DIS3L2: variants seen among roughly 807,000 people sequenced by gnomAD.
DIS3L2 encodes the protein DIS3 like 3'-5' exoribonuclease 2, also known as DIS3-like exonuclease 2.
Under a neutral mutation model 97.5 loss-of-function variants are expected in DIS3L2, and 34 were observed. The ratio of observed to expected loss-of-function variants is 0.35; its 90% confidence interval spans 0.27 to 0.46. DIS3L2 has a LOEUF of 0.46. Among genes scored for constraint, DIS3L2 ranks in the 20% least tolerant of loss-of-function variants. The pLI, the probability that DIS3L2 is intolerant of heterozygous loss-of-function variation, is 1.00. For missense variants in DIS3L2, 1,038 were observed against 1,146.0 expected, an observed-to-expected ratio of 0.91 and a Z score of 1.36; for synonymous variants, 435 against 445.2, an observed-to-expected ratio of 0.98 and a Z score of 0.29.
chr2:232,110,833 C>T (rs1697505553), intron 6 of DIS3L2, among the ~76,000 whole-genome samples: 1 of 151,912 alleles, frequency 6.6e-6, no homozygotes, highest in Non-Finnish European at 1.5e-5. Context: ...ACATGTTTAC[C>T]TGTGTAATGA....
chr2:232,171,437 C>T (rs940961435), intron 9 of DIS3L2, among the ~76,000 whole-genome samples: 4 of 152,156 alleles, frequency 2.6e-5, no homozygotes, highest in African/African-American at 9.7e-5. Flanking sequence ...AGAGCTGTCT[C>T]ATTCTTGGAT....
chr2:231,995,509 A>G (rs985034011), intron 1 of DIS3L2, among the ~76,000 whole-genome samples: 1 of 152,044 alleles, frequency 6.6e-6, no homozygotes, highest in African/African-American at 2.4e-5. Context: ...TTCCCCTTCA[A>G]GGGTCTGAGT....
intron 1 of DIS3L2, among the ~76,000 whole-genome samples, chr2:231,970,704 G>A (rs1402942648): frequency 2.6e-5 from 4 of 152,142 alleles, no homozygotes; most frequent in African/African-American, 4.8e-5. Context: ...CACTACTGTC[G>A]ACTTTACAAA....
At chr2:232,047,844 T>A (rs1559571241) in intron 5 of DIS3L2, among the ~76,000 whole-genome samples, 1 of 152,254 alleles carries the variant, frequency 6.6e-6, no homozygotes, top group Admixed American at 6.5e-5. Context: ...GTGTTTGTGT[T>A]CCTTCACTTA....
At position 232,287,395 on chromosome 2, in the gene DIS3L2, C is replaced by T. The variant is rs1401577909; in HGVS notation, c.1660-12645C>T. Reference sequence around the variant, plus strand: ...TCCTTTCCTTCCCCCCGCGCCCCCCCCCCCCCCCGCTTTTATTACATAGAG... The same window carrying T: ...TCCTTTCCTTCCCCCCGCGCCCCCCTCCCCCCCCGCTTTTATTACATAGAG... On this transcript the variant is annotated intron_variant, in intron 13 of 20. Transcript: ENST00000325385. Among the ~76,000 whole-genome samples the T allele has an allele frequency of 6.3e-4, 39 of 61,714 alleles. 2 individuals carry two copies. The highest frequency in any genetic ancestry group is 1.1e-3 in the Non-Finnish European group (34 of 30,912). The allele number at this position is 61,714 out of a possible 152,430, so 40.5% of individuals were successfully genotyped here. A position where few individuals can be genotyped will look rare whatever the true frequency, so the allele number is the denominator to read the frequency against.
At chr2:232,087,952 C>A in intron 6 of DIS3L2, 1 of 502,566 alleles carries the variant, frequency 2.0e-6, no homozygotes, top group Non-Finnish European at 3.6e-6. Flanking sequence ...TTGCCACATT[C>A]CTAATAGGCT....
Position 231,967,834 on chromosome 2 carries a change from A to C in DIS3L2, c.-94+6069A>C, listed in dbSNP as rs142319266. ...AAAAACAATTTTTAATAAATGAATTAGGGCCCAATTTGTGTTGTGTAGGAT... is the reference window on the plus strand; with the variant it reads ...AAAAACAATTTTTAATAAATGAATTCGGGCCCAATTTGTGTTGTGTAGGAT... On this transcript the variant is annotated intron_variant, in intron 1 of 20. Coordinates refer to ENST00000325385, the MANE Select transcript of DIS3L2 (RefSeq NM_152383.5). Among the ~76,000 whole-genome samples the C allele has an allele frequency of 4.8e-3, 727 of 152,254 alleles. 2 individuals are homozygous for C. Among genetic ancestry groups the C allele is most frequent in the Non-Finnish European group, 8.3e-3 (565 of 67,998 alleles).
chr2:232,175,302 T>C lies in DIS3L2; in HGVS notation c.1124+11670T>C, dbSNP rs182840487. Among the ~76,000 whole-genome samples, 61 of 152,232 alleles carry C rather than the reference T, an allele frequency of 4.0e-4. 1 individual carries two copies. Among genetic ancestry groups the C allele is most frequent in the African/African-American group, 1.4e-3 (59 of 41,554 alleles). On this transcript the variant is annotated intron_variant, in intron 9 of 20. Coordinates refer to ENST00000325385, the MANE Select transcript of DIS3L2 (RefSeq NM_152383.5). ...AGATAATCCTGTGATTTTTGTTCTTTATTAATCTGTTTCATTGATTGACTA... is the reference window on the plus strand; with the variant it reads ...AGATAATCCTGTGATTTTTGTTCTTCATTAATCTGTTTCATTGATTGACTA...
chr2:232,084,976 A>C (rs756728046), intron 5 of DIS3L2, among the ~76,000 whole-genome samples: 1 of 152,182 alleles, frequency 6.6e-6, no homozygotes, highest in Non-Finnish European at 1.5e-5. Flanking sequence ...TGTTAATTGA[A>C]CCTACTGTAT....
chr2:232,281,053 T>C lies in DIS3L2; in HGVS notation c.1659+17613T>C, dbSNP rs1337822814. ...GGGCTCCCAGTGGTGGTGGGAAATGTTGGGGATGTAACCAGGGCTGATCTG... is the reference window on the plus strand; with the variant it reads ...GGGCTCCCAGTGGTGGTGGGAAATGCTGGGGATGTAACCAGGGCTGATCTG... On this transcript the variant is annotated intron_variant, in intron 13 of 20. Transcript: ENST00000325385. This position sits in a 1 kb window ranked among gnomAD's most constrained non-coding sequence, Gnocchi z 4.1. 6.6e-6 allele frequency among the ~76,000 whole-genome samples: 1 copy of C among 152,134 alleles called. No homozygotes were observed. The highest frequency in any genetic ancestry group is 1.5e-5 in the Non-Finnish European group (1 of 68,022).
chr2:232,059,274 T>G (rs924127981), intron 5 of DIS3L2, among the ~76,000 whole-genome samples: 2 of 152,194 alleles, frequency 1.3e-5, no homozygotes, highest in Non-Finnish European at 2.9e-5. Flanking sequence ...AGATGAAAGC[T>G]TTTAAAATGA....
At chr2:232,274,260 C>G (rs577955796) in intron 13 of DIS3L2, among the ~76,000 whole-genome samples, 2 of 152,216 alleles carry the variant, frequency 1.3e-5, no homozygotes, top group East Asian at 3.9e-4. Context: ...AATTTGGCTC[C>G]TCTAGGACCC....
intron 6 of DIS3L2, among the ~76,000 whole-genome samples, chr2:232,128,556 G>A (rs1698134186): frequency 6.8e-6 from 1 of 146,096 alleles, no homozygotes; most frequent in Non-Finnish European, 1.5e-5. Context: ...CCAGGCTCAG[G>A]TGATCTTCCC....
intron 5 of DIS3L2, among the ~76,000 whole-genome samples, chr2:232,060,621 GGATA>G (rs1177649712): frequency 1.9e-4 from 29 of 152,132 alleles, no homozygotes; most frequent in African/African-American, 6.0e-4. Context: ...CTTTTGCTCA[GGATA>G]GCTTTGGCTA....
At chr2:232,084,866 A>G (rs1332126497) in intron 5 of DIS3L2, among the ~76,000 whole-genome samples, 6 of 148,802 alleles carry the variant, frequency 4.0e-5, no homozygotes, top group Non-Finnish European at 7.4e-5. Flanking sequence ...ATTTTTACAA[A>G]CTGAGGATAT....
At chr2:232,226,766 G>T (rs1033684756) in intron 10 of DIS3L2, among the ~76,000 whole-genome samples, 1 of 152,138 alleles carries the variant, frequency 6.6e-6, no homozygotes, top group Non-Finnish European at 1.5e-5. Context: ...GAGCCTAGGA[G>T]TTCGACCCCA....
rs184931265 is a variant in DIS3L2, at chr2:232,311,225, C to T, written c.1739+11106C>T. Among the ~76,000 whole-genome samples the T allele has an allele frequency of 2.5e-3, 376 of 152,352 alleles. 1 individual carries two copies. The highest frequency in any genetic ancestry group is 4.4e-3 in the Non-Finnish European group (297 of 68,036). On this transcript the variant is annotated intron_variant, in intron 14 of 20. Transcript: ENST00000325385. ...AGTCACATACATCAGTGTACACACA[C>T]AGGAACACTGGTCCATGTCTCAGCA...
chr2:232,289,261 T>G (rs972287674), intron 13 of DIS3L2, among the ~76,000 whole-genome samples: 7 of 151,840 alleles, frequency 4.6e-5, no homozygotes, highest in Non-Finnish European at 1.0e-4. Flanking sequence ...TTTTTTTTTT[T>G]GGAGACTTGT....
At chr2:232,206,706 G>A (rs531804709) in intron 9 of DIS3L2, among the ~76,000 whole-genome samples, 2 of 152,130 alleles carry the variant, frequency 1.3e-5, no homozygotes, top group Non-Finnish European at 2.9e-5. Context: ...CCTGAGTACT[G>A]TTTGTCAGGT....
Sources: gnomAD v4.1 joint callset for allele counts (sites outside exome capture counted in the v4.1 genomes callset) on GRCh38, gnomAD v4.1.1 for gene constraint, Gnocchi (gnomAD v3.1) non-coding constraint, MANE v1.5 for transcripts, NCBI Gene and HGNC (gene_info 2026-07-23, HGNC 2026-07-21) for gene names.